FAM163A: variants seen among roughly 807,000 people sequenced by gnomAD.
FAM163A encodes the protein protein FAM163A.
A neutral mutation model predicts 12.0 loss-of-function variants in FAM163A; 7 were observed. The ratio of observed to expected loss-of-function variants is 0.58; its 90% confidence interval spans 0.33 to 1.10. The LOEUF is 1.10. Among genes scored for constraint, FAM163A ranks in the 50% least tolerant of loss-of-function variants. FAM163A has a pLI of 0.03. For missense variants in FAM163A, 202 were observed against 218.6 expected, an observed-to-expected ratio of 0.92 and a Z score of 0.48; for synonymous variants, 101 against 91.0, an observed-to-expected ratio of 1.11 and a Z score of -0.62.
At chr1:179,747,700 G>A (rs913277469) in intron 1 of FAM163A, among the ~76,000 whole-genome samples, 2 of 152,182 alleles carry the variant, frequency 1.3e-5, no homozygotes, top group African/African-American at 4.8e-5. Flanking sequence ...CAGCACAGGC[G>A]CAACTGCATC....
chr1:179,758,597 C>T (rs1686360080), intron 1 of FAM163A, among the ~76,000 whole-genome samples: 1 of 152,216 alleles, frequency 6.6e-6, no homozygotes. Flanking sequence ...AAAGCAGCTC[C>T]TTTCTAGACC....
At chr1:179,808,637 C>G (rs1694284288) in intron 2 of FAM163A, among the ~76,000 whole-genome samples, 2 of 152,208 alleles carry the variant, frequency 1.3e-5, no homozygotes, top group Non-Finnish European at 2.9e-5. Flanking sequence ...CTTATATAAT[C>G]TATTCACAGA....
In FAM163A at chr1:179,798,972, T is replaced by C. The variant is rs192965159; in HGVS notation, c.-135-8826T>C. On this transcript the variant is annotated intron_variant, in intron 1 of 4. Coordinates refer to ENST00000341785, the MANE Select transcript of FAM163A (RefSeq NM_173509.3). ...GGACTCTGGGCTCCATGGCCAGTCT[T>C]TACAGCTAGCTCCCTCTGGCCCTCT... 3.7e-4 allele frequency among the ~76,000 whole-genome samples: 56 copies of C among 152,260 alleles called. 1 individual carries two copies. The highest frequency in any genetic ancestry group is 1.3e-3 in the African/African-American group (55 of 41,552).
In FAM163A at chr1:179,787,171, C is replaced by G. The variant is rs143737646; in HGVS notation, c.-135-20627C>G. Among the ~76,000 whole-genome samples the G allele has an allele frequency of 6.3e-3, 953 of 152,334 alleles. 5 individuals are homozygous for G. Among genetic ancestry groups the G allele is most frequent in the Non-Finnish European group, 0.011 (729 of 68,022 alleles). ...AGTGGTATCAGACCCAAAGCAGAGT[C>G]TTCCAGTTCCTAAGCAATCTCTTTA... On this transcript the variant is annotated intron_variant, in intron 1 of 4. Coordinates refer to ENST00000341785, the MANE Select transcript of FAM163A (RefSeq NM_173509.3).
chr1:179,729,993 G>A, the FAM163A span, among the ~76,000 whole-genome samples: 1 of 152,188 alleles, frequency 6.6e-6, no homozygotes, highest in Non-Finnish European at 1.5e-5. Flanking sequence ...GGAGATTTGA[G>A]CATCAGCCTC....
chr1:179,757,349 A>G (rs1266673760), intron 1 of FAM163A, among the ~76,000 whole-genome samples: 1 of 152,208 alleles, frequency 6.6e-6, no homozygotes, highest in Non-Finnish European at 1.5e-5. Context: ...GGGAGGCTGG[A>G]TTGAGCAGCA....
intron 1 of FAM163A, among the ~76,000 whole-genome samples, chr1:179,788,130 T>C (rs1690914511): frequency 6.6e-6 from 1 of 152,224 alleles, no homozygotes. Flanking sequence ...CTTCTCACAA[T>C]GTGTAATCAG....
chr1:179,813,728 G>A, intron 4 of FAM163A, 51 bp from the exon 5 acceptor site: 1 of 1,603,198 alleles, frequency 6.2e-7, no homozygotes, highest in Non-Finnish European at 8.5e-7. Context: ...AAAATGCATG[G>A]GGCGGGGGGA....
rs5779040 is a variant in FAM163A, at chr1:179,815,114, GACACACAC to G, written c.*955_*962del. ...GTACGCACGCGCGCGCGCGCGCACA[GACACACAC>G]ACACACACACACACACACACACACA... On this transcript the variant is annotated 3_prime_UTR_variant, in exon 5 of 5. Coordinates refer to ENST00000341785, the MANE Select transcript of FAM163A (RefSeq NM_173509.3). 1.8e-3 allele frequency: 235 copies of G among 129,960 alleles called. 3 individuals are homozygous for G. Among genetic ancestry groups the G allele is most frequent in the Non-Finnish European group, 1.4e-3 (93 of 64,314 alleles). 8.1% of individuals were successfully genotyped at this position (129,960 alleles called of 1,614,324 possible). A position where few individuals can be genotyped will look rare whatever the true frequency, so the allele number is the denominator to read the frequency against.
At chr1:179,759,730 A>C (rs1315868793) in intron 1 of FAM163A, among the ~76,000 whole-genome samples, 3 of 151,992 alleles carry the variant, frequency 2.0e-5, no homozygotes, top group Non-Finnish European at 4.4e-5. Context: ...GCGGCGGCAC[A>C]ATGTTGTCTC....
chr1:179,800,476 G>T (rs1693002083), intron 1 of FAM163A, among the ~76,000 whole-genome samples: 1 of 152,194 alleles, frequency 6.6e-6, no homozygotes, highest in Non-Finnish European at 1.5e-5. Context: ...TGATGGATAT[G>T]CCTACTCTGG....
At chr1:179,769,787 G>A (rs1688009462) in intron 1 of FAM163A, among the ~76,000 whole-genome samples, 1 of 152,078 alleles carries the variant, frequency 6.6e-6, no homozygotes, top group African/African-American at 2.4e-5. Context: ...TCCACCAGAG[G>A]CAATTGGCAG....
At chr1:179,800,170 G>A (rs905161343) in intron 1 of FAM163A, among the ~76,000 whole-genome samples, 2 of 152,340 alleles carry the variant, frequency 1.3e-5, no homozygotes, top group East Asian at 3.9e-4. Flanking sequence ...CAAAGTCACA[G>A]CCCCTCCCCA....
At chr1:179,785,409 C>T (rs945496386) in intron 1 of FAM163A, among the ~76,000 whole-genome samples, 9 of 152,188 alleles carry the variant, frequency 5.9e-5, no homozygotes, top group Non-Finnish European at 7.3e-5. Flanking sequence ...AATGAGAGAA[C>T]ATGAAGACGG....
intron 1 of FAM163A, among the ~76,000 whole-genome samples, chr1:179,754,836 T>A (rs1028837624): frequency 5.3e-5 from 8 of 152,286 alleles, no homozygotes; most frequent in Middle Eastern, 3.4e-3. Flanking sequence ...CTGGTTTACA[T>A]GTTAGAAAGA....
At chr1:179,791,504 T>C (rs1691498646) in intron 1 of FAM163A, among the ~76,000 whole-genome samples, 1 of 152,114 alleles carries the variant, frequency 6.6e-6, no homozygotes, top group Admixed American at 6.5e-5. Context: ...GTGTTCACAC[T>C]GCATGTACAT....
intron 1 of FAM163A, among the ~76,000 whole-genome samples, chr1:179,786,356 T>C (rs1388587723): frequency 1.3e-5 from 2 of 152,124 alleles, no homozygotes; most frequent in Non-Finnish European, 2.9e-5. Context: ...GAGCCAGGCA[T>C]AAGTTGGATG....
chr1:179,744,731 CT>C (rs1684206541), intron 1 of FAM163A, among the ~76,000 whole-genome samples: 1 of 152,134 alleles, frequency 6.6e-6, no homozygotes, highest in South Asian at 2.1e-4. Flanking sequence ...CACCTGGGCC[CT>C]CCCCCAGGGC....
chr1:179,771,655 C>T (rs1032275251), intron 1 of FAM163A, among the ~76,000 whole-genome samples: 1 of 152,182 alleles, frequency 6.6e-6, no homozygotes, highest in African/African-American at 2.4e-5. Context: ...TCATAGCTCA[C>T]ATCCTGGCTC....
Sources: allele counts gnomAD v4.1 joint callset (sites outside exome capture counted in the v4.1 genomes callset), GRCh38; gene constraint gnomAD v4.1.1; transcripts MANE v1.5; gene names NCBI Gene and HGNC (gene_info 2026-07-23, HGNC 2026-07-21).